TULP4: variants seen among roughly 807,000 people sequenced by gnomAD.
The protein encoded by TULP4 is TUB like protein 4, also known as tubby-related protein 4.
TULP4 carries 16 observed loss-of-function variants against 129.0 expected under a neutral mutation model. The observed-to-expected ratio is 0.12, with a 90% CI of 0.08 to 0.19. TULP4 has a LOEUF of 0.19. Among genes scored for constraint, TULP4 ranks in the 10% least tolerant of loss-of-function variants. TULP4 has a pLI of 1.00. For missense variants in TULP4, 1,842 were observed against 2,059.1 expected (o/e 0.89, Z 2.04); for synonymous variants, 998 against 854.0 (o/e 1.17, Z -2.94).
rs549143126 is a variant in TULP4 at position 158,506,873 on chromosome 6, G to A, written c.*179G>A. The stretch of plus-strand genomic sequence containing the variant: ...CTGTGGTCGTCATTTATTTGGTTGG[G>A]TTTTATTACCTTTTATTGTCTGTTC... On this transcript the variant is annotated 3_prime_UTR_variant, in exon 14 of 14. Coordinates refer to ENST00000367097, the MANE Select transcript of TULP4 (RefSeq NM_020245.5). 3.2e-5 allele frequency: 19 copies of A among 587,018 alleles called. No individual in the cohort carries two copies. The highest frequency in any genetic ancestry group is 5.8e-5 in the Non-Finnish European group (19 of 329,306). 36.4% of individuals were successfully genotyped at this position (587,018 alleles called of 1,614,324 possible).
chr6:158,398,751 A>G (rs994292452), intron 1 of TULP4, among the ~76,000 whole-genome samples: 5 of 152,376 alleles, frequency 3.3e-5, no homozygotes, highest in South Asian at 2.1e-4. Flanking sequence ...TATAGATTCA[A>G]TAAAACTGTT....
At chr6:158,243,491 A>T (rs1299389211) in intron 1 of TULP4, among the ~76,000 whole-genome samples, 1 of 151,454 alleles carries the variant, frequency 6.6e-6, no homozygotes, top group Non-Finnish European at 1.5e-5. Flanking sequence ...AGATGCAAAT[A>T]AGGTCCATAC....
chr6:158,452,234 C>G lies in TULP4; in HGVS notation c.825C>G (p.Asp275Glu). 6.2e-7 allele frequency: 1 copy of G among 1,614,220 alleles called. No individual in the cohort carries two copies. The highest frequency in any genetic ancestry group is 8.5e-7 in the Non-Finnish European group (1 of 1,180,038). Residue 275 changes from aspartate to glutamate, a missense_variant, in exon 5 of 14, where the codon GAC becomes GAG. Coordinates refer to ENST00000367097, the MANE Select transcript of TULP4 (RefSeq NM_020245.5). ...TCAGCTTAATGAACAACTACGATGA[C>G]TTGTCTCCCACGGTCATCCGCTCAG... ...GDISLMNNYD[D>E]LSPTVIRSGL...
At chr6:158,468,946 C>T (rs1447612670) in intron 6 of TULP4, among the ~76,000 whole-genome samples, 1 of 152,182 alleles carries the variant, frequency 6.6e-6, no homozygotes, top group East Asian at 1.9e-4. Flanking sequence ...CCAAAGGCCC[C>T]ACCTAATACC....
intron 5 of TULP4, among the ~76,000 whole-genome samples, chr6:158,460,779 C>T (rs1386427716): frequency 6.6e-6 from 1 of 152,142 alleles, no homozygotes; most frequent in Non-Finnish European, 1.5e-5. Context: ...TAAACTAAGA[C>T]TTTGTTTTCG....
Position 158,502,266 on chromosome 6 carries a change from G to A in TULP4, c.2603G>A (p.Gly868Asp). ...CCAGTGGATGTGTGCTTGAAGAAGG[G>A]CGACTTCTCCCTCTACCCCACGTCA... The part of the protein sequence containing the change: ...QPPVDVCLKK[G>D]DFSLYPTSVH... The change falls in exon 13 of 14, where the codon GGC (glycine) becomes GAC (aspartate). Residue 868 changes from glycine (G) to aspartate (D), a missense_variant. Physicochemically the swap from Gly to Asp is moderately conservative, Grantham distance 94. Transcript: ENST00000367097. 1.2e-6 allele frequency: 2 copies of A among 1,608,902 alleles called. No individual in the cohort carries two copies. The highest frequency in any genetic ancestry group is 1.1e-5 in the South Asian group (1 of 90,854).
At chr6:158,423,179 A>G (rs549527225) in intron 2 of TULP4, among the ~76,000 whole-genome samples, 10 of 152,246 alleles carry the variant, frequency 6.6e-5, no homozygotes, top group Admixed American at 2.0e-4. Context: ...ATCTGCCTAC[A>G]ATAATAACTC....
At chr6:158,319,910 T>C (rs1332321615) in intron 1 of TULP4, among the ~76,000 whole-genome samples, 1 of 152,190 alleles carries the variant, frequency 6.6e-6, no homozygotes, top group Non-Finnish European at 1.5e-5. Flanking sequence ...GTAAATATGT[T>C]AATGGTTCTA....
intron 1 of TULP4, among the ~76,000 whole-genome samples, chr6:158,323,481 C>G (rs1435768274): frequency 1.3e-5 from 2 of 152,152 alleles, no homozygotes; most frequent in African/African-American, 2.4e-5. Context: ...TTATGCAACT[C>G]TTCTGGTAAA....
chr6:158,418,167 C>T (rs1374530624), intron 2 of TULP4, among the ~76,000 whole-genome samples: 7 of 147,536 alleles, frequency 4.7e-5, no homozygotes, highest in African/African-American at 1.5e-4. Flanking sequence ...AGTGCAGTGG[C>T]GCATCTTCGG....
rs1471533962 is a variant in TULP4, at chr6:158,509,404, T to C, written c.*2710T>C. ...ATCTGAAATAAAAAGGGGAGACCTA[T>C]TAGAATGAGAGTAGCCAAGGAAAGA... On this transcript the variant is annotated 3_prime_UTR_variant, in exon 14 of 14. Coordinates refer to ENST00000367097, the MANE Select transcript of TULP4 (RefSeq NM_020245.5). The C allele has an allele frequency of 1.3e-5, 2 of 152,132 alleles. No individual in the cohort carries two copies. Among genetic ancestry groups the C allele is most frequent in the Non-Finnish European group, 2.9e-5 (2 of 68,026 alleles). 9.4% of individuals were successfully genotyped at this position (152,132 alleles called of 1,614,324 possible).
At chr6:158,384,502 A>G (rs1777396392) in intron 1 of TULP4, among the ~76,000 whole-genome samples, 1 of 152,180 alleles carries the variant, frequency 6.6e-6, no homozygotes, top group African/African-American at 2.4e-5. Flanking sequence ...GTTAGCCAGG[A>G]TGATCTTGAT....
chr6:158,237,456 C>T (rs531747785), intron 1 of TULP4: 36 of 1,546,380 alleles, frequency 2.3e-5, no homozygotes, highest in African/African-American at 1.1e-4. Flanking sequence ...CAGATAGTGT[C>T]GCTGCACTGC....
chr6:158,417,807 G>A (rs1038312997), intron 2 of TULP4, among the ~76,000 whole-genome samples: 2 of 152,200 alleles, frequency 1.3e-5, no homozygotes, highest in Admixed American at 1.3e-4. Context: ...AAAGCTAAGA[G>A]ATGCTTTAAC....
At chr6:158,430,321 T>C (rs987160636) in intron 3 of TULP4, among the ~76,000 whole-genome samples, 3 of 70,816 alleles carry the variant, frequency 4.2e-5, no homozygotes, top group East Asian at 5.0e-4. Flanking sequence ...CAAAAAATTA[T>C]AAGCAATTTT....
chr6:158,499,248 G>A (rs1330679492), intron 12 of TULP4, among the ~76,000 whole-genome samples: 4 of 152,086 alleles, frequency 2.6e-5, no homozygotes, highest in South Asian at 2.1e-4. Context: ...CAGCATTCCC[G>A]TGGTGCGCAC....
intron 1 of TULP4, among the ~76,000 whole-genome samples, chr6:158,320,640 C>T (rs1043378822): frequency 3.3e-5 from 5 of 152,116 alleles, no homozygotes; most frequent in African/African-American, 1.2e-4. Context: ...CCATGTTGAC[C>T]AGGCTGGTCT....
rs773565295 is a variant in TULP4, at chr6:158,392,794, C to CTTTTTTTTTTTTTTTTTTTT, written c.253-20265_253-20246dup. Among the ~76,000 whole-genome samples the CTTTTTTTTTTTTTTTTTTTT allele has an allele frequency of 4.6e-4, 25 of 54,648 alleles. 7 individuals are homozygous for CTTTTTTTTTTTTTTTTTTTT. The highest frequency in any genetic ancestry group is 6.1e-4 in the African/African-American group (7 of 11,460). The allele number at this position is 54,648 out of a possible 152,430, so 35.9% of individuals were successfully genotyped here. A position where few individuals can be genotyped will look rare whatever the true frequency, so the allele number is the denominator to read the frequency against. ...GTACCTATTGTTTAAATTTGTATTT[C>CTTTTTTTTTTTTTTTTTTTT]TTTTTTTTTTTTTTTTTTTTTTTTT... On this transcript the variant is annotated intron_variant, in intron 1 of 13. Coordinates refer to ENST00000367097, the MANE Select transcript of TULP4 (RefSeq NM_020245.5).
chr6:158,334,375 C>T (rs190089231), intron 1 of TULP4, among the ~76,000 whole-genome samples: 2 of 152,220 alleles, frequency 1.3e-5, no homozygotes, highest in East Asian at 1.9e-4. Context: ...CAGTACAGTA[C>T]GGTGAATGTA....
Sources: allele counts gnomAD v4.1 joint callset (sites outside exome capture counted in the v4.1 genomes callset), GRCh38; gene constraint gnomAD v4.1.1; transcripts MANE v1.5; gene names NCBI Gene and HGNC (gene_info 2026-07-23, HGNC 2026-07-21).